Variants in ATP8B3 observed in about 807,000 individuals in gnomAD.
The protein encoded by ATP8B3 is ATPase phospholipid transporting 8B3.
ATP8B3 carries 141 observed loss-of-function variants against 140.9 expected under a neutral mutation model. The ratio of observed to expected loss-of-function variants is 1.00; its 90% CI spans 0.87 to 1.15. The LOEUF is 1.15. ATP8B3 is among the 50% of genes most tolerant of loss of function. The pLI, the probability that ATP8B3 is intolerant of heterozygous loss-of-function variation, is 0.00. For missense variants in ATP8B3, 1,874 were observed against 1,740.6 expected (o/e 1.08, Z -1.36); for synonymous variants, 765 against 714.6 (o/e 1.07, Z -1.13).
In ATP8B3 at chr19:1,790,801, C is replaced by T; in HGVS notation, c.2334G>A (p.Glu778=). 1 of 1,606,168 alleles carries T rather than the reference C, an allele frequency of 6.2e-7. No homozygotes were observed. The highest frequency in any genetic ancestry group is 8.5e-7 in the Non-Finnish European group (1 of 1,177,340). The change falls in exon 21 of 29, where the codon GAG becomes GAA. Residue 778 remains glutamate (E), a synonymous_variant. Coordinates refer to ENST00000310127, the MANE Select transcript of ATP8B3 (RefSeq NM_138813.4). The part of the protein sequence containing the change: ...ETAVNIGFAC[E]LLSENMLILE... ...GAATGAGCATATTCTCTGACAGCAG[C>T]TCGCAGGCGAAGCCGATGTTCACAG...
At chr19:1,793,378 G>T (rs936560919) in intron 18 of ATP8B3, among the ~76,000 whole-genome samples, 13 of 152,192 alleles carry the variant, frequency 8.5e-5, no homozygotes, top group African/African-American at 3.1e-4. Flanking sequence ...TGAGATTACA[G>T]GCAGAAGCCA....
In ATP8B3 at chr19:1,807,134, C is replaced by G. The variant is rs1162750105; in HGVS notation, c.615+34G>C. On this transcript the variant is annotated intron_variant, in intron 6 of 28. Transcript: ENST00000310127. This position sits in a 1 kb window ranked among gnomAD's most constrained non-coding sequence, Gnocchi z 5.9. ...GAGACCCCCCCGACCGGCCCCGCTC[C>G]CTCCCCCAGGCAGCTGCATCCAACA... 6.3e-7 allele frequency: 1 copy of G among 1,586,828 alleles called. No homozygotes were observed. The highest frequency in any genetic ancestry group is 8.6e-7 in the Non-Finnish European group (1 of 1,156,710).
At chr19:1,797,766 C>T (rs1600441657) in intron 14 of ATP8B3, among the ~76,000 whole-genome samples, 2 of 151,422 alleles carry the variant, frequency 1.3e-5, no homozygotes, top group East Asian at 2.0e-4. Context: ...TCCCAAAGTG[C>T]TGGGATTACA....
At chr19:1,795,784 TACACACACAC>T (rs10526864) in intron 18 of ATP8B3, 81 bp downstream of exon 18, 24,408 of 889,498 alleles carry the variant, frequency 0.027, 116 homozygotes, top group Middle Eastern at 0.043. Flanking sequence ...CTCCTGTCCC[TACACACACAC>T]ACACACACAC....
Position 1,808,282 on chromosome 19 carries a change from G to A in ATP8B3, c.456C>T (p.Asn152=), listed in dbSNP as rs779533709. The A allele has an allele frequency of 1.2e-6, 2 of 1,613,296 alleles. No homozygotes were observed. The highest frequency in any genetic ancestry group is 1.3e-5 in the African/African-American group (1 of 75,064). The change falls in exon 5 of 29, where the codon AAC becomes AAT. Residue 152 remains asparagine, a synonymous_variant. Coordinates refer to ENST00000310127, the MANE Select transcript of ATP8B3 (RefSeq NM_138813.4). ...ACACGCGGTGGAACTGCTCGTACAG[G>A]TTCAGCGGCAGGAACGAGTAGAAGT... ...KYNFYSFLPL[N]LYEQFHRVSN... is the part of the protein sequence containing the mutation.
chr19:1,809,193 A>G (rs1276676182), intron 4 of ATP8B3, among the ~76,000 whole-genome samples: 3 of 150,748 alleles, frequency 2.0e-5, no homozygotes, highest in East Asian at 2.0e-4. Context: ...CAGAAAAAAG[A>G]AAAAAGAGGC....
chr19:1,793,891 C>T (rs751957201), intron 18 of ATP8B3, among the ~76,000 whole-genome samples: 1 of 151,996 alleles, frequency 6.6e-6, no homozygotes, highest in East Asian at 1.9e-4. Flanking sequence ...TACAGGCCTG[C>T]ACCACCACAT....
intron 14 of ATP8B3, chr19:1,799,089 G>A (rs1045646792): frequency 6.6e-6 from 1 of 152,000 alleles, no homozygotes; most frequent in African/African-American, 2.4e-5. Context: ...GCTGCAATAA[G>A]CTATGATTGC....
At position 1,784,950 on chromosome 19, in the gene ATP8B3, G is replaced by C. The variant is rs757989595; in HGVS notation, c.3533-4C>G. On this transcript the variant is annotated splice_region_variant and splice_polypyrimidine_tract_variant and intron_variant, in intron 27 of 28. Coordinates refer to ENST00000310127, the MANE Select transcript of ATP8B3 (RefSeq NM_138813.4). ...GACATCACGCTGAGGTCGGCATCTG[G>C]GGACAGGGCGGGGTCACAGCAGAGC... 5.0e-5 allele frequency: 81 copies of C among 1,605,904 alleles called. No individual in the cohort carries two copies. The highest frequency in any genetic ancestry group is 6.7e-5 in the Non-Finnish European group (79 of 1,176,348).
chr19:1,800,100 A>G lies in ATP8B3; in HGVS notation c.1399T>C (p.Tyr467His), dbSNP rs2145195327. Residue 467 changes from tyrosine to histidine, a missense_variant, in exon 14 of 29, where the codon TAC becomes CAC. Transcript: ENST00000310127. The surrounding 1 kb of genome is among the most constrained non-coding windows in gnomAD (Gnocchi z 4.4). ...GCAGGCACGTCCTGCGGCTTGTAGT[A>G]CATCTGCACGTCCCAGTCGATGAAG... ...SVFIDWDVQMYYKPQDVPAKA... is the reference protein window; with the variant it reads ...SVFIDWDVQMHYKPQDVPAKA... 3 of 1,569,716 alleles carry G rather than the reference A, an allele frequency of 1.9e-6. No homozygotes were observed. The highest frequency in any genetic ancestry group is 1.9e-5 in the Admixed American group (1 of 52,880).
rs751729081 is a variant in ATP8B3 at position 1,802,855 on chromosome 19, G to A, written c.905-210C>T. 4.5e-4 allele frequency among the ~76,000 whole-genome samples: 68 copies of A among 152,118 alleles called. 2 individuals carry two copies. The highest frequency in any genetic ancestry group is 4.1e-3 in the Admixed American group (63 of 15,284). On this transcript the variant is annotated intron_variant, in intron 10 of 28. Coordinates refer to ENST00000310127, the MANE Select transcript of ATP8B3 (RefSeq NM_138813.4). ...ACTTTGGGCAGGCTGTTCCTTCCAC[G>A]GGGACTCACACTTCCCTGATCCTCC...
At chr19:1,809,599 C>G (rs9941464) in intron 4 of ATP8B3, 44 bp downstream of exon 4, 1 of 1,517,572 alleles carries the variant, frequency 6.6e-7, no homozygotes, top group Non-Finnish European at 9.0e-7. Context: ...GAGGGTACCA[C>G]GGCAGCTCCT....
rs2068665716 is a variant in ATP8B3 at position 1,796,149 on chromosome 19, CCA to C, written c.1868_1869del (p.Leu623ArgfsTer81). 6.2e-7 allele frequency: 1 copy of C among 1,613,028 alleles called. No individual in the cohort carries two copies. The highest frequency in any genetic ancestry group is 8.5e-7 in the Non-Finnish European group (1 of 1,179,872). On this transcript the variant is annotated frameshift_variant, in exon 17 of 29. Transcript: ENST00000310127. LOFTEE classifies it high-confidence loss of function. ...RTQDTVTIME[L>X]GEERVYQVLA... is the part of the protein sequence containing the mutation. ...AGGACCTGGTAGACCCGTTCCTCCC[CCA>C]GCTCCATGATCGTGACGGTGTCCTG...
intron 24 of ATP8B3, among the ~76,000 whole-genome samples, chr19:1,788,187 C>T (rs1267029127): frequency 6.6e-6 from 1 of 152,246 alleles, no homozygotes; most frequent in Non-Finnish European, 1.5e-5. Flanking sequence ...TTTCCCTACA[C>T]GCAGGGAATA....
chr19:1,785,421 C>G (rs773502919), intron 26 of ATP8B3, 48 bp downstream of exon 26: 1 of 1,592,760 alleles, frequency 6.3e-7, no homozygotes, highest in Non-Finnish European at 8.6e-7. Flanking sequence ...GGGAGGAGGC[C>G]TCCATAGGCC....
In ATP8B3 at chr19:1,783,179, C is replaced by A. The variant is rs376805335; in HGVS notation, c.3752G>T (p.Ser1251Ile). The A allele has an allele frequency of 1.9e-6, 3 of 1,613,488 alleles. No homozygotes were observed. The highest frequency in any genetic ancestry group is 2.5e-6 in the Non-Finnish European group (3 of 1,179,798). Residue 1251 changes from serine (S) to isoleucine (I), a missense_variant, in exon 29 of 29, where the codon AGC becomes ATC. Physicochemically the swap from Ser to Ile is moderately radical, Grantham distance 142. Coordinates refer to ENST00000310127, the MANE Select transcript of ATP8B3 (RefSeq NM_138813.4). ...VHRESRARRS[S>I]YAFSHREGYA... ...TCCCTCACGGTGGGAGAAAGCATAG[C>A]TGGAACGGCGGGCACGAGACTCCCG...
Position 1,785,252 on chromosome 19 carries a change from T to C in ATP8B3, c.3439A>G (p.Ile1147Val), listed in dbSNP as rs2068267391. ...GCGTAGAAACCAAGGCTGAGGAGGA[T>C]GGTCGCCACGCACAGGGCGGTCCAG... ...KYWTALCVATILLSLGFYAIM... is the reference protein window; with the variant it reads ...KYWTALCVATVLLSLGFYAIM... Residue 1147 changes from isoleucine (I) to valine (V), a missense_variant, in exon 27 of 29, where the codon ATC becomes GTC. By Grantham distance (29) the Ile-to-Val change is conservative (BLOSUM62 3). This residue lies in a region of ATP8B3 where 840 missense variants were observed against 760.9 expected (regional missense o/e 1.10). Transcript: ENST00000310127. 2 of 1,609,692 alleles carry C rather than the reference T, an allele frequency of 1.2e-6. No individual in the cohort carries two copies. The highest frequency in any genetic ancestry group is 2.7e-5 in the African/African-American group (2 of 74,942).
Position 1,800,104 on chromosome 19 carries a change from C to T in ATP8B3, c.1395G>A (p.Gln465=). The part of the protein sequence containing the change: ...GNSVFIDWDV[Q]MYYKPQDVPA... Reference sequence around the variant, plus strand: ...GCACGTCCTGCGGCTTGTAGTACATCTGCACGTCCCAGTCGATGAAGACGC... The same window carrying T: ...GCACGTCCTGCGGCTTGTAGTACATTTGCACGTCCCAGTCGATGAAGACGC... The change falls in exon 14 of 29, where the codon CAG becomes CAA. Residue 465 remains glutamine (Q), a synonymous_variant. Coordinates refer to ENST00000310127, the MANE Select transcript of ATP8B3 (RefSeq NM_138813.4). The surrounding 1 kb of genome is among the most constrained non-coding windows in gnomAD (Gnocchi z 4.4). 2 of 1,567,280 alleles carry T rather than the reference C, an allele frequency of 1.3e-6. No individual in the cohort carries two copies. The highest frequency in any genetic ancestry group is 2.3e-5 in the South Asian group (2 of 85,778).
At position 1,789,736 on chromosome 19, in the gene ATP8B3, C is replaced by T. The variant is rs753214661; in HGVS notation, c.2479-9G>A. 1 of 1,550,956 alleles carries T rather than the reference C, an allele frequency of 6.4e-7. No individual in the cohort carries two copies. Among genetic ancestry groups the T allele is most frequent in the Admixed American group, 1.8e-5 (1 of 54,758 alleles). On this transcript the variant is annotated splice_polypyrimidine_tract_variant and intron_variant, in intron 22 of 28. Transcript: ENST00000310127. ...GACACCAGCAGTTTGTCCTGGCCGG[C>T]GGGGAGGGGGCTGTGCCAGGCGCCG...
Sources: gnomAD v4.1 joint callset for allele counts (sites outside exome capture counted in the v4.1 genomes callset) on GRCh38, gnomAD v4.1.1 for gene constraint, gnomAD v4.1.1 regional missense constraint, Gnocchi (gnomAD v3.1) non-coding constraint, MANE v1.5 for transcripts, NCBI Gene and HGNC (gene_info 2026-07-23, HGNC 2026-07-21) for gene names.